Variants in SLC24A1 observed in about 807,000 individuals in gnomAD.
The protein encoded by SLC24A1 is sodium/potassium/calcium exchanger 1.
A neutral mutation model predicts 88.1 loss-of-function variants in SLC24A1; 52 were observed. That is an observed-to-expected ratio of 0.59 (90% CI 0.47 to 0.74). The LOEUF (loss-of-function observed/expected upper bound fraction) is 0.74, where lower values mean the gene tolerates loss of function less well. Ranked by LOEUF, SLC24A1 falls within the 30% of genes least tolerant of loss-of-function variation. The probability of loss-of-function intolerance (pLI) is 0.00; values close to 1 mark genes in which losing one functional copy is unlikely to be tolerated. For missense variants in SLC24A1, 1,173 were observed against 1,363.3 expected, an observed-to-expected ratio of 0.86 and a Z score of 2.20; for synonymous variants, 455 against 498.0, an observed-to-expected ratio of 0.91 and a Z score of 1.15.
chr15:65,615,945 T>C (rs2074129786), intron 2 of SLC24A1, among the ~76,000 whole-genome samples: 1 of 141,966 alleles, frequency 7.0e-6, no homozygotes, highest in South Asian at 2.4e-4. Flanking sequence ...AATCTCATTG[T>C]TCAATTCCCA....
intron 2 of SLC24A1, among the ~76,000 whole-genome samples, chr15:65,636,507 A>G (rs2074939212): frequency 6.6e-6 from 1 of 152,060 alleles, no homozygotes; most frequent in South Asian, 2.1e-4. Context: ...GCTTGAGCCC[A>G]GGAGGTCGAG....
intron 3 of SLC24A1, among the ~76,000 whole-genome samples, chr15:65,639,271 G>A (rs1343533313): frequency 1.3e-5 from 2 of 152,230 alleles, no homozygotes; most frequent in Admixed American, 6.5e-5. Flanking sequence ...GTGTGGGTGA[G>A]GGAGTGTTTC....
chr15:65,650,300 G>A lies in SLC24A1; in HGVS notation c.2233-82G>A. 5.0e-6 allele frequency: 6 copies of A among 1,196,616 alleles called. No homozygotes were observed. Among genetic ancestry groups the A allele is most frequent in the South Asian group, 3.0e-5 (2 of 65,584 alleles). 74.1% of individuals were successfully genotyped at this position (1,196,616 alleles called of 1,614,324 possible). ...TTTTCAGATACCTTCTGAGAAGCAC[G>A]CCAACAAAAAAATGGGGGAGTAACA... On this transcript the variant is annotated intron_variant, in intron 6 of 9. Transcript: ENST00000261892. This position sits in a 1 kb window ranked among gnomAD's most constrained non-coding sequence, Gnocchi z 4.1.
In SLC24A1 at chr15:65,650,622, G is replaced by A; in HGVS notation, c.2473G>A (p.Glu825Lys). 2 of 1,551,350 alleles carry A rather than the reference G, an allele frequency of 1.3e-6. No individual in the cohort carries two copies. Among genetic ancestry groups the A allele is most frequent in the Non-Finnish European group, 8.7e-7 (1 of 1,146,646 alleles). Residue 825 changes from glutamate to lysine, a missense_variant, in exon 7 of 10, where the codon GAA becomes AAA. Coordinates refer to ENST00000261892, the MANE Select transcript of SLC24A1 (RefSeq NM_004727.3). The surrounding 1 kb of genome is among the most constrained non-coding windows in gnomAD (Gnocchi z 4.1). ...HAEDGEMKGN[E>K]GETESQELSA... ...AGAAGATGGTGAAATGAAAGGTAAT[G>A]AAGGTGAAACTGAAAGCCAGGAACT...
intron 4 of SLC24A1, among the ~76,000 whole-genome samples, chr15:65,640,304 G>T (rs1048218677): frequency 1.3e-5 from 2 of 152,230 alleles, no homozygotes; most frequent in African/African-American, 4.8e-5. Context: ...GGTGACGAGG[G>T]TAAGAGCAGG....
At chr15:65,640,527 C>T (rs148581076) in intron 4 of SLC24A1, among the ~76,000 whole-genome samples, 113 of 152,274 alleles carry the variant, frequency 7.4e-4, no homozygotes, top group Admixed American at 3.4e-3. Flanking sequence ...AGAACCGGAA[C>T]CCAGCCAGGA....
At chr15:65,633,776 C>A (rs1334352401) in intron 2 of SLC24A1, among the ~76,000 whole-genome samples, 1 of 152,148 alleles carries the variant, frequency 6.6e-6, no homozygotes, top group African/African-American at 2.4e-5. Flanking sequence ...TACTGGACTG[C>A]AAGTAAGCAG....
chr15:65,654,994 T>G lies in SLC24A1; in HGVS notation c.*915T>G, dbSNP rs1157221504. On this transcript the variant is annotated 3_prime_UTR_variant, in exon 10 of 10. Transcript: ENST00000261892. ...TAAAAAGCAGCCTGAAAAATAAAAA[T>G]TTATAATTTGCCCTTGAATTGGAAG... 4.8e-6 allele frequency: 5 copies of G among 1,035,692 alleles called. No homozygotes were observed. Among genetic ancestry groups the G allele is most frequent in the Non-Finnish European group, 5.8e-6 (5 of 859,146 alleles). The allele number at this position is 1,035,692 out of a possible 1,614,324, so 64.2% of individuals were successfully genotyped here. A position where few individuals can be genotyped will look rare whatever the true frequency, so the allele number is the denominator to read the frequency against.
rs754957323 is a variant in SLC24A1, at chr15:65,625,754, A to G, written c.1674A>G (p.Leu558=). The G allele has an allele frequency of 6.2e-7, 1 of 1,613,896 alleles. No homozygotes were observed. Among genetic ancestry groups the G allele is most frequent in the Non-Finnish European group, 8.5e-7 (1 of 1,179,858 alleles). ...REILNLTWWP[L]FRDVSFYILD... is the part of the protein sequence containing the mutation. The stretch of plus-strand genomic sequence containing the variant: ...TCCTCAACCTCACCTGGTGGCCCTT[A>G]TTCCGTGATGTCTCCTTCTACATCC... Residue 558 remains leucine (L), a synonymous_variant, in exon 2 of 10, where the codon TTA becomes TTG. Transcript: ENST00000261892.
intron 6 of SLC24A1, among the ~76,000 whole-genome samples, chr15:65,646,070 C>T (rs2075291168): frequency 6.6e-6 from 1 of 152,168 alleles, no homozygotes; most frequent in Admixed American, 6.5e-5. Context: ...TGAAGGCTTT[C>T]CAACCTTCTG....
At chr15:65,651,046 A>G in intron 7 of SLC24A1, 104 bp downstream of exon 7, 1 of 959,506 alleles carries the variant, frequency 1.0e-6, no homozygotes, top group Non-Finnish European at 1.7e-6. Context: ...GCCAGGGACA[A>G]CCAGCTTATC....
In SLC24A1 at chr15:65,651,738, C is replaced by T; in HGVS notation, c.2862C>T (p.Leu954=). ...TGTGGATAGCCATGTTCTCATACCT[C>T]ATGGTGTGGTGGGCTCACCAGGTGA... The part of the protein sequence containing the change: ...SIMWIAMFSY[L]MVWWAHQVGE... The change falls in exon 8 of 10, where the codon CTC becomes CTT. Residue 954 remains leucine, a synonymous_variant. Coordinates refer to ENST00000261892, the MANE Select transcript of SLC24A1 (RefSeq NM_004727.3). 2 of 1,605,882 alleles carry T rather than the reference C, an allele frequency of 1.2e-6. No individual in the cohort carries two copies. The highest frequency in any genetic ancestry group is 1.7e-6 in the Non-Finnish European group (2 of 1,172,730).
rs767836520 is a variant in SLC24A1, at chr15:65,654,685, T to C, written c.*606T>C. The C allele has an allele frequency of 3.1e-6, 4 of 1,272,546 alleles. No individual in the cohort carries two copies. In the South Asian group the frequency reaches 3.9e-5, roughly 12 times the overall value. The allele number at this position is 1,272,546 out of a possible 1,614,324, so 78.8% of individuals were successfully genotyped here. A position where few individuals can be genotyped will look rare whatever the true frequency, so the allele number is the denominator to read the frequency against. On this transcript the variant is annotated 3_prime_UTR_variant, in exon 10 of 10. Transcript: ENST00000261892. ...ATTCCACGTTTTGTAGCCCACTGCA[T>C]CTGGATATATACCAGTATTTTCTTT...
chr15:65,654,631 A>G lies in SLC24A1; in HGVS notation c.*552A>G. 7.9e-7 allele frequency: 1 copy of G among 1,263,044 alleles called. No homozygotes were observed. The highest frequency in any genetic ancestry group is 2.6e-5 in the Admixed American group (1 of 38,260). 78.2% of individuals were successfully genotyped at this position (1,263,044 alleles called of 1,614,324 possible). On this transcript the variant is annotated 3_prime_UTR_variant, in exon 10 of 10. Coordinates refer to ENST00000261892, the MANE Select transcript of SLC24A1 (RefSeq NM_004727.3). ...GTCTAAGGATCCAAGGCTACAGAAA[A>G]AAAAGAAATATAACAGGAATTAATG... is the stretch of plus-strand genomic sequence containing the variant.
At chr15:65,649,856 C>A (rs2075436289) in intron 6 of SLC24A1, among the ~76,000 whole-genome samples, 1 of 152,120 alleles carries the variant, frequency 6.6e-6, no homozygotes, top group East Asian at 1.9e-4. Flanking sequence ...GTATCTAAGA[C>A]AAGGGAGGTG....
intron 2 of SLC24A1, among the ~76,000 whole-genome samples, chr15:65,614,190 C>T (rs1405087344): frequency 1.3e-5 from 2 of 152,182 alleles, no homozygotes; most frequent in African/African-American, 4.8e-5. Flanking sequence ...ATGCAATCCT[C>T]ATCTCGTTTC....
At chr15:65,623,775 T>G (rs1280473544) in intron 1 of SLC24A1, among the ~76,000 whole-genome samples, 180 bp from the exon 2 acceptor site, 1 of 152,158 alleles carries the variant, frequency 6.6e-6, no homozygotes, top group African/African-American at 2.4e-5. Context: ...GCACTCTTTC[T>G]CTTAAGAGTA....
upstream of SLC24A1, among the ~76,000 whole-genome samples, chr15:65,619,815 G>A (rs773635659): frequency 1.3e-5 from 2 of 151,460 alleles, no homozygotes; most frequent in Non-Finnish European, 2.9e-5. Flanking sequence ...TTATCTTATC[G>A]TGAGGGTCAG....
downstream of SLC24A1, chr15:65,660,104 A>C (rs1349700268): frequency 1.9e-5 from 10 of 528,800 alleles, no homozygotes; most frequent in Admixed American, 2.8e-4. Flanking sequence ...TTTAAAGAAC[A>C]TGAAGAACAA....
Sources: gnomAD v4.1 joint callset for allele counts (sites outside exome capture counted in the v4.1 genomes callset) on GRCh38, gnomAD v4.1.1 for gene constraint, Gnocchi (gnomAD v3.1) non-coding constraint, MANE v1.5 for transcripts, NCBI Gene and HGNC (gene_info 2026-07-23, HGNC 2026-07-21) for gene names.